Variants in CSMD1 observed in about 807,000 individuals in gnomAD.
CSMD1 encodes CUB and sushi domain-containing protein 1.
In CSMD1, 213 loss-of-function variants were observed where a neutral mutation model predicts 417.5. The ratio of observed to expected loss-of-function variants is 0.51; its 90% CI spans 0.46 to 0.57. The LOEUF (loss-of-function observed/expected upper bound fraction) is 0.57. Ranked by LOEUF, CSMD1 falls within the 20% of genes least tolerant of loss-of-function variation. The pLI is 0.00. For missense variants in CSMD1, 6,923 were observed against 4,529.7 expected (o/e 1.53, Z -15.17); for synonymous variants, 2,862 against 1,736.8 (o/e 1.65, Z -16.11).
chr8:3,027,532 G>C (rs1810022321), intron 51 of CSMD1, among the ~76,000 whole-genome samples: 2 of 152,230 alleles, frequency 1.3e-5, no homozygotes, highest in Admixed American at 6.5e-5. Flanking sequence ...AATGATTTCA[G>C]CTGGAATCCA....
At chr8:3,361,537 A>G (rs1277018956) in intron 20 of CSMD1, among the ~76,000 whole-genome samples, 9 of 151,296 alleles carry the variant, frequency 5.9e-5, no homozygotes, top group African/African-American at 9.7e-5. Flanking sequence ...CTGTAATCCC[A>G]GCTACTCGGG....
intron 2 of CSMD1, among the ~76,000 whole-genome samples, chr8:4,568,117 C>T (rs1323085063): frequency 3.9e-5 from 6 of 152,106 alleles, no homozygotes; most frequent in Non-Finnish European, 7.3e-5. Flanking sequence ...TTCAAAAGCA[C>T]ATTCACATCT....
At chr8:3,241,184 G>A (rs192587115) in intron 26 of CSMD1, among the ~76,000 whole-genome samples, 2,596 of 151,212 alleles carry the variant, frequency 0.017, 67 homozygotes, top group African/African-American at 0.058. Context: ...AAAGTGTCTC[G>A]GCCTAATAAG....
At chr8:3,764,134 G>A (rs1798145398) in intron 5 of CSMD1, among the ~76,000 whole-genome samples, 1 of 152,060 alleles carries the variant, frequency 6.6e-6, no homozygotes, top group Non-Finnish European at 1.5e-5. Flanking sequence ...CAGGGCTCAG[G>A]GAGTGCACAG....
At chr8:4,913,083 G>C (rs188137397) in intron 1 of CSMD1, among the ~76,000 whole-genome samples, 44 of 152,142 alleles carry the variant, frequency 2.9e-4, no homozygotes, top group African/African-American at 1.0e-3. Context: ...GCCCCCACAA[G>C]TGGCCAGCAC....
rs536396299 is a variant in CSMD1, at chr8:3,089,512, G to A, written c.7285+2004C>T. On this transcript the variant is annotated intron_variant, in intron 48 of 69. Transcript: ENST00000635120. ...TATGCCTGAATGATCAAGAGTTTAC[G>A]TGCATAGGGCAAATACATGTTGGGG... Among the ~76,000 whole-genome samples, 6 of 152,226 alleles carry A rather than the reference G, an allele frequency of 3.9e-5. 1 individual carries two copies. Among genetic ancestry groups the A allele is most frequent in the African/African-American group, 9.6e-5 (4 of 41,540 alleles).
chr8:3,721,342 A>T (rs1802162460), intron 6 of CSMD1, among the ~76,000 whole-genome samples: 11 of 152,084 alleles, frequency 7.2e-5, no homozygotes, highest in Admixed American at 7.2e-4. Context: ...GTGGATTTTT[A>T]CTAGTGACGG....
intron 3 of CSMD1, among the ~76,000 whole-genome samples, chr8:4,366,612 A>G (rs1442998912): frequency 6.6e-6 from 1 of 152,042 alleles, no homozygotes; most frequent in Non-Finnish European, 1.5e-5. Context: ...GCTTTTTATT[A>G]ACAGCAATTT....
intron 10 of CSMD1, among the ~76,000 whole-genome samples, chr8:3,524,710 G>T (rs1797683172): frequency 7.0e-6 from 1 of 142,954 alleles, no homozygotes; most frequent in Non-Finnish European, 1.5e-5. Context: ...GCACACACAA[G>T]CACATACATG....
intron 6 of CSMD1, among the ~76,000 whole-genome samples, chr8:3,753,410 C>G (rs923356158): frequency 6.6e-6 from 1 of 152,126 alleles, no homozygotes; most frequent in Non-Finnish European, 1.5e-5. Flanking sequence ...CAAGCTCTGT[C>G]CTAATGACTA....
In CSMD1 at chr8:4,228,198, G is replaced by A. The variant is rs189962683; in HGVS notation, c.415+191755C>T. ...CACCCTGCATGCAATCCCACATCCA[G>A]GTTTCCTTGGCTGCTGTATCATTCC... On this transcript the variant is annotated intron_variant, in intron 3 of 69. Transcript: ENST00000635120. Among the ~76,000 whole-genome samples the A allele has an allele frequency of 2.5e-3, 376 of 152,270 alleles. 5 individuals carry two copies. The highest frequency in any genetic ancestry group is 8.5e-3 in the African/African-American group (354 of 41,546).
intron 5 of CSMD1, among the ~76,000 whole-genome samples, chr8:3,910,323 G>T (rs965956610): frequency 6.6e-6 from 1 of 152,134 alleles, no homozygotes; most frequent in Admixed American, 6.5e-5. Context: ...GCATGCCTGT[G>T]TCCTGCAAAC....
intron 12 of CSMD1, among the ~76,000 whole-genome samples, chr8:3,411,967 C>CGTGTAT (rs747425271): frequency 0.014 from 35 of 2,492 alleles, 5 homozygotes; most frequent in Admixed American, 0.02. Context: ...CGTATATATG[C>CGTGTAT]ACGTATATAT....
chr8:4,825,362 T>G (rs897419949), intron 1 of CSMD1, among the ~76,000 whole-genome samples: 1 of 152,034 alleles, frequency 6.6e-6, no homozygotes, highest in African/African-American at 2.4e-5. Context: ...ACACTGACCT[T>G]GAGATTTATT....
Position 3,052,464 on chromosome 8 carries a change from T to A in CSMD1, c.7658A>T (p.Lys2553Met), listed in dbSNP as rs760127382. ...GGCAGATGCCCCTGAACACTTACGC[T>A]TACACGTGGGCGGCTTCCCCTTGTT... ...WSNKGKPPTC[K>M]PVACPSIEAQ... The change falls in exon 50 of 70, where the codon AAG (lysine) becomes ATG (methionine). Residue 2553 changes from lysine to methionine, a missense_variant and splice_region_variant. Physicochemically the swap from Lys to Met is moderately conservative, Grantham distance 95. Transcript: ENST00000635120. 6 of 1,569,420 alleles carry A rather than the reference T, an allele frequency of 3.8e-6. No individual in the cohort carries two copies. The Admixed American group carries it at 1.1e-4, about 30-fold the overall frequency.
intron 3 of CSMD1, among the ~76,000 whole-genome samples, chr8:4,181,873 T>G (rs1798396385): frequency 6.6e-6 from 1 of 152,170 alleles, no homozygotes; most frequent in African/African-American, 2.4e-5. Flanking sequence ...GCCTAGTTGA[T>G]TATAACATGA....
At chr8:4,015,598 G>A (rs1796482741) in intron 4 of CSMD1, among the ~76,000 whole-genome samples, 1 of 139,346 alleles carries the variant, frequency 7.2e-6, no homozygotes, top group Non-Finnish European at 1.5e-5. Context: ...TTGGCCCAAT[G>A]ACTATCATTC....
intron 12 of CSMD1, among the ~76,000 whole-genome samples, chr8:3,412,358 G>A (rs1000432538): frequency 3.3e-5 from 5 of 151,882 alleles, no homozygotes; most frequent in African/African-American, 1.2e-4. Flanking sequence ...GTCAGTTTTG[G>A]CAATGTTTGT....
intron 1 of CSMD1, among the ~76,000 whole-genome samples, chr8:4,790,327 T>C (rs754508604): frequency 3.3e-5 from 5 of 152,030 alleles, no homozygotes; most frequent in Non-Finnish European, 7.4e-5. Flanking sequence ...AAATCAGAGA[T>C]GACACAAACT....
Sources: allele counts gnomAD v4.1 joint callset (sites outside exome capture counted in the v4.1 genomes callset), GRCh38; gene constraint gnomAD v4.1.1; transcripts MANE v1.5; gene names NCBI Gene and HGNC (gene_info 2026-07-23, HGNC 2026-07-21).